Variants in BCAP31 observed in about 807,000 individuals in gnomAD.
BCAP31 encodes B-cell receptor-associated protein 31.
For missense variants in BCAP31, 124 were observed against 193.0 expected (o/e 0.64, Z 2.12); for synonymous variants, 75 against 80.9 (o/e 0.93, Z 0.39).
intron 4 of BCAP31, among the ~76,000 whole-genome samples, chrX:153,705,983 C>A (rs183189732): frequency 9.9e-4 from 111 of 112,235 alleles, no homozygotes; most frequent in African/African-American, 3.4e-3. Flanking sequence ...CCGTCCCAGG[C>A]CCTTCCCGGC....
At chrX:153,710,162 G>A (rs1333400940) in intron 4 of BCAP31, among the ~76,000 whole-genome samples, 1 of 112,115 alleles carries the variant, frequency 8.9e-6, no homozygotes, top group African/African-American at 3.2e-5. Context: ...CATGACAGGG[G>A]GAGGCCGAAG....
intron 3 of BCAP31, among the ~76,000 whole-genome samples, chrX:153,716,578 CAAA>C (rs782072647): frequency 2.2e-4 from 6 of 27,355 alleles, no homozygotes; most frequent in Admixed American, 4.5e-4. Flanking sequence ...TCTCTCTCAA[CAAA>C]AAAAAAAAAA....
Position 153,723,278 on chromosome X carries a change from G to A in BCAP31, c.-34C>T. On this transcript the variant is annotated 5_prime_UTR_variant, in exon 2 of 8. Transcript: ENST00000345046. ...TAGAAGGTTTCCCACAGGAAGATGTGAGCTTGTTTCCTGGCAGGGCACAAA... is the reference window on the plus strand; with the variant it reads ...TAGAAGGTTTCCCACAGGAAGATGTAAGCTTGTTTCCTGGCAGGGCACAAA... The A allele has an allele frequency of 1.7e-6, 2 of 1,200,416 alleles. No homozygotes were observed. The highest frequency in any genetic ancestry group is 2.2e-6 in the Non-Finnish European group (2 of 889,449).
chrX:153,720,860 T>C lies in BCAP31; in HGVS notation c.193+12A>G, dbSNP rs782282582. The C allele has an allele frequency of 4.1e-6, 5 of 1,207,031 alleles. No homozygotes were observed. Among genetic ancestry groups the C allele is most frequent in the African/African-American group, 1.7e-5 (1 of 57,149 alleles). Reference sequence around the variant, plus strand: ...TAGGTCAGGTAGCTGCCCTCAGCCATAGCTCACTCACCGATGACCAACAGC... The same window carrying C: ...TAGGTCAGGTAGCTGCCCTCAGCCACAGCTCACTCACCGATGACCAACAGC... On this transcript the variant is annotated intron_variant, in intron 3 of 7. Transcript: ENST00000345046.
intron 4 of BCAP31, among the ~76,000 whole-genome samples, chrX:153,707,620 C>T (rs1205729727): frequency 8.9e-6 from 1 of 111,922 alleles, no homozygotes; most frequent in African/African-American, 3.3e-5. Flanking sequence ...TGGGAAGGCG[C>T]CGTCTCAGAC....
In BCAP31 at chrX:153,723,578, C is replaced by T. The variant is rs1557051565; in HGVS notation, c.-44-290G>A. 6.8e-6 allele frequency: 8 copies of T among 1,168,202 alleles called. No individual in the cohort carries two copies. In the South Asian group the frequency reaches 9.5e-5, roughly 14 times the overall value. Reference sequence around the variant, plus strand: ...CCGACGATCCCTGCCCCAGGAAGCCCGAGATTTCCGACGCCCGTTTAACTG... The same window carrying T: ...CCGACGATCCCTGCCCCAGGAAGCCTGAGATTTCCGACGCCCGTTTAACTG... On this transcript the variant is annotated intron_variant, in intron 1 of 7. Coordinates refer to ENST00000345046, the MANE Select transcript of BCAP31 (RefSeq NM_001256447.2).
At chrX:153,723,737 C>A (rs1162375130) in intron 1 of BCAP31, 38 of 1,087,142 alleles carry the variant, frequency 3.5e-5, no homozygotes, top group Middle Eastern at 3.1e-4. Flanking sequence ...ATCCCCGCTA[C>A]CAGGCAGGCC....
intron 4 of BCAP31, among the ~76,000 whole-genome samples, chrX:153,715,103 G>C (rs1159670386): frequency 8.9e-6 from 1 of 111,983 alleles, no homozygotes; most frequent in Non-Finnish European, 1.9e-5. Flanking sequence ...AGGCCCTGAG[G>C]TGAGGAGAGG....
chrX:153,723,037 T>C, intron 2 of BCAP31, 116 bp downstream of exon 2: 1 of 956,078 alleles, frequency 1.0e-6, no homozygotes, highest in Admixed American at 3.2e-5. Flanking sequence ...CCCAGACAGG[T>C]TCTACCTGTT....
At chrX:153,724,007 G>T (rs1416428423) in intron 1 of BCAP31, 3 of 367,854 alleles carry the variant, frequency 8.2e-6, no homozygotes, top group Non-Finnish European at 1.5e-5. Flanking sequence ...AGAAGCCAGG[G>T]GTCCTTACAG....
At chrX:153,720,716 G>A (rs782423097) in intron 3 of BCAP31, among the ~76,000 whole-genome samples, 156 bp downstream of exon 3, 1 of 112,190 alleles carries the variant, frequency 8.9e-6, no homozygotes, top group Non-Finnish European at 1.9e-5. Context: ...ATGGGCAAAG[G>A]GAGCCTCTTC....
At chrX:153,720,577 T>C (rs966662045) in intron 3 of BCAP31, among the ~76,000 whole-genome samples, 4 of 111,670 alleles carry the variant, frequency 3.6e-5, no homozygotes, top group African/African-American at 6.5e-5. Context: ...TTGGCCAGGC[T>C]GATCTCGAAC....
intron 1 of BCAP31, chrX:153,724,090 C>T (rs1028187531): frequency 1.3e-5 from 4 of 308,293 alleles, no homozygotes; most frequent in African/African-American, 1.1e-4. Context: ...CACACCGTCC[C>T]GGAGGCCCAT....
chrX:153,721,619 G>A (rs781926842), intron 2 of BCAP31, among the ~76,000 whole-genome samples: 1 of 106,172 alleles, frequency 9.4e-6, no homozygotes, highest in African/African-American at 3.4e-5. Flanking sequence ...TGGGCGCACT[G>A]GCTCACGTCT....
chrX:153,714,709 T>C (rs2266870), intron 4 of BCAP31, among the ~76,000 whole-genome samples: 10,333 of 110,850 alleles, frequency 0.093, 414 homozygotes, highest in South Asian at 0.15. Flanking sequence ...TGAGAATCAC[T>C]TGGTGCTATG....
At chrX:153,706,836 C>T (rs1161997550) in intron 4 of BCAP31, among the ~76,000 whole-genome samples, 1 of 112,145 alleles carries the variant, frequency 8.9e-6, no homozygotes, top group African/African-American at 3.3e-5. Flanking sequence ...CTTTCCATGT[C>T]AACTGCAAAC....
At chrX:153,711,058 C>T (rs2091588052) in intron 4 of BCAP31, among the ~76,000 whole-genome samples, 1 of 112,140 alleles carries the variant, frequency 8.9e-6, no homozygotes, top group Admixed American at 9.5e-5. Context: ...CCCTCCTTTC[C>T]TTGCTGCCCC....
In BCAP31 at chrX:153,708,423, C is replaced by A. The variant is rs2091568309; in HGVS notation, c.342-4329G>T. On this transcript the variant is annotated intron_variant, in intron 4 of 7. Transcript: ENST00000345046. ...ACCAAAAGATTCCATGCTGTGGCCA[C>A]CCCCGGCCCGCCCTGCTGACGGGTT... is the stretch of plus-strand genomic sequence containing the variant. Among the ~76,000 whole-genome samples the A allele has an allele frequency of 2.7e-5, 3 of 112,422 alleles. 1 individual carries two copies. In the South Asian group the frequency reaches 1.1e-3, roughly 41 times the overall value.
chrX:153,715,042 T>C (rs2091617394), intron 4 of BCAP31, among the ~76,000 whole-genome samples: 1 of 111,983 alleles, frequency 8.9e-6, no homozygotes, highest in South Asian at 3.7e-4. Flanking sequence ...TCAGAAATAC[T>C]CTGGCTGCCA....
Sources: gnomAD v4.1 joint callset for allele counts (sites outside exome capture counted in the v4.1 genomes callset) on GRCh38, gnomAD v4.1.1 for gene constraint, MANE v1.5 for transcripts, NCBI Gene and HGNC (gene_info 2026-07-23, HGNC 2026-07-21) for gene names.